Variants in PRKG1 observed in about 807,000 individuals in gnomAD.
The protein encoded by PRKG1 is protein kinase cGMP-dependent 1, also known as cGMP-dependent protein kinase 1.
A neutral mutation model predicts 88.1 loss-of-function variants in PRKG1; 35 were observed. The observed-to-expected ratio is 0.40, with a 90% CI of 0.30 to 0.53. The LOEUF (loss-of-function observed/expected upper bound fraction) is 0.53. PRKG1 is among the 20% of genes least tolerant of loss of function. The probability of loss-of-function intolerance (pLI) is 0.59; values close to 1 mark genes in which losing one functional copy is unlikely to be tolerated. For missense variants in PRKG1, 540 were observed against 839.8 expected, an observed-to-expected ratio of 0.64 and a Z score of 4.41; for synonymous variants, 303 against 292.5, an observed-to-expected ratio of 1.04 and a Z score of -0.37.
chr10:51,218,518 TATATATATATATAA>T (rs1166148082), intron 2 of PRKG1, among the ~76,000 whole-genome samples: 100 of 126,268 alleles, frequency 7.9e-4, no homozygotes, highest in African/African-American at 1.4e-3. Flanking sequence ...TATATATATA[TATATATATATATAA>T]AATGTGTGTA....
chr10:51,137,187 T>G (rs1449696442), intron 1 of PRKG1, among the ~76,000 whole-genome samples: 2 of 152,066 alleles, frequency 1.3e-5, no homozygotes, highest in Non-Finnish European at 2.9e-5. Flanking sequence ...CCCGGCCTAA[T>G]TAATTATTTC....
rs373831491 is a variant in PRKG1, at chr10:52,146,319, A to G, written c.1001+12414A>G. Among the ~76,000 whole-genome samples the G allele has an allele frequency of 9.8e-5, 15 of 152,298 alleles. No homozygotes were observed. The East Asian group carries it at 2.9e-3, about 29-fold the overall frequency. ...TTACTGTTGATAATTTCGTGTCCTT[A>G]AATAGTGAGATAATTCTGCCTAGAT... is the stretch of plus-strand genomic sequence containing the variant. On this transcript the variant is annotated intron_variant, in intron 8 of 17. Coordinates refer to ENST00000373980, the MANE Select transcript of PRKG1 (RefSeq NM_006258.4).
chr10:51,875,081 C>T (rs1841259799), intron 4 of PRKG1, among the ~76,000 whole-genome samples: 1 of 151,958 alleles, frequency 6.6e-6, no homozygotes, highest in Non-Finnish European at 1.5e-5. Context: ...CTGTGGAAGC[C>T]TGCTTGATTA....
At chr10:51,791,114 C>G (rs764472073) in intron 3 of PRKG1, among the ~76,000 whole-genome samples, 1 of 151,990 alleles carries the variant, frequency 6.6e-6, no homozygotes, top group African/African-American at 2.4e-5. Flanking sequence ...ACTATCTGGT[C>G]GATTCATTCA....
At chr10:51,531,473 T>G (rs1185885701) in intron 3 of PRKG1, among the ~76,000 whole-genome samples, 1 of 152,040 alleles carries the variant, frequency 6.6e-6, no homozygotes, top group African/African-American at 2.4e-5. Context: ...ATACCTGGAA[T>G]AAAAAATAGA....
intron 2 of PRKG1, among the ~76,000 whole-genome samples, chr10:51,450,349 A>G (rs1839398260): frequency 6.6e-6 from 1 of 151,928 alleles, no homozygotes; most frequent in South Asian, 2.1e-4. Context: ...TAATGTTTTC[A>G]TCTTTTATAA....
At chr10:52,038,385 A>G (rs528356692) in intron 5 of PRKG1, among the ~76,000 whole-genome samples, 4 of 151,532 alleles carry the variant, frequency 2.6e-5, no homozygotes, top group Admixed American at 1.3e-4. Flanking sequence ...GGGATGAAGC[A>G]CAGAAATAAG....
intron 5 of PRKG1, among the ~76,000 whole-genome samples, chr10:52,005,651 G>A (rs1180106161): frequency 1.3e-5 from 2 of 152,140 alleles, no homozygotes; most frequent in Non-Finnish European, 2.9e-5. Context: ...AGCAATGACT[G>A]TTAGAGTTTC....
rs1249090730 is a variant in PRKG1, at chr10:51,017,612, A to G, written c.266+25968A>G. Among the ~76,000 whole-genome samples, 12 of 152,204 alleles carry G rather than the reference A, an allele frequency of 7.9e-5. No homozygotes were observed. The East Asian group carries it at 2.3e-3, about 29-fold the overall frequency. ...TTCTAGTCCAATAGACACTTTACTG[A>G]TATGACCCAGTTATAAAACAGTTGC... On this transcript the variant is annotated intron_variant, in intron 1 of 17. Transcript: ENST00000401604.
intron 2 of PRKG1, among the ~76,000 whole-genome samples, chr10:51,182,468 T>A (rs938529458): frequency 1.4e-4 from 22 of 152,178 alleles, no homozygotes; most frequent in African/African-American, 5.1e-4. Context: ...GATCTTTGCA[T>A]CACGTTTCAG....
chr10:51,037,226 T>C (rs1365729276), intron 1 of PRKG1, among the ~76,000 whole-genome samples: 1 of 151,990 alleles, frequency 6.6e-6, no homozygotes, highest in Non-Finnish European at 1.5e-5. Flanking sequence ...GGCAGGAGGA[T>C]TGTTTGAGTC....
intron 9 of PRKG1, among the ~76,000 whole-genome samples, chr10:52,244,737 T>TATATTTAA (rs1840963292): frequency 1.1e-5 from 1 of 87,900 alleles, no homozygotes; most frequent in Admixed American, 1.2e-4. Context: ...TATACTTTAA[T>TATATTTAA]ATATATTTAA....
rs1336529322 is a variant in PRKG1 at position 52,063,432 on chromosome 10, G to C, written c.935+801G>C. Among the ~76,000 whole-genome samples, 4 of 152,242 alleles carry C rather than the reference G, an allele frequency of 2.6e-5. No homozygotes were observed. In the East Asian group the frequency reaches 7.7e-4, roughly 29 times the overall value. On this transcript the variant is annotated intron_variant, in intron 7 of 17. Transcript: ENST00000373980. ...CCCCAAAGCGGGAGTCACAGCCCTG[G>C]CTCGGGGAGCTCCCAGGTCTGGGCC...
intron 5 of PRKG1, among the ~76,000 whole-genome samples, chr10:51,993,682 G>C (rs12265278): frequency 8.0e-4 from 122 of 152,262 alleles, no homozygotes; most frequent in Non-Finnish European, 1.4e-3. Flanking sequence ...TCTGTTCCTC[G>C]ATCTACAAAC....
chr10:52,062,934 A>C (rs892768843), intron 7 of PRKG1: 1 of 632,302 alleles, frequency 1.6e-6, no homozygotes, highest in South Asian at 1.9e-5. Flanking sequence ...TCCCTGCTAA[A>C]CTTTGTGCAA....
chr10:52,026,366 T>G (rs1385177884), intron 5 of PRKG1, among the ~76,000 whole-genome samples: 1 of 152,210 alleles, frequency 6.6e-6, no homozygotes, highest in East Asian at 1.9e-4. Context: ...TATGCTTCTG[T>G]CTACCTGACT....
intron 1 of PRKG1, among the ~76,000 whole-genome samples, chr10:51,075,796 G>A (rs1190853342): frequency 2.0e-5 from 3 of 152,122 alleles, no homozygotes; most frequent in African/African-American, 7.2e-5. Context: ...AACTTGGATG[G>A]GAAAAATTTA....
chr10:52,050,513 T>C (rs1026653873), intron 5 of PRKG1, among the ~76,000 whole-genome samples: 1 of 152,176 alleles, frequency 6.6e-6, no homozygotes, highest in Non-Finnish European at 1.5e-5. Flanking sequence ...AGAATCAGCA[T>C]GCAAGATCAT....
chr10:51,547,625 G>T (rs1036818960), intron 3 of PRKG1, among the ~76,000 whole-genome samples: 7 of 152,084 alleles, frequency 4.6e-5, no homozygotes, highest in African/African-American at 1.4e-4. Flanking sequence ...TTTAATAGTA[G>T]TTCCCAGTTA....
Sources: allele counts gnomAD v4.1 joint callset (sites outside exome capture counted in the v4.1 genomes callset), GRCh38; gene constraint gnomAD v4.1.1; transcripts MANE v1.5; gene names NCBI Gene and HGNC (gene_info 2026-07-23, HGNC 2026-07-21).